ULK4: variants seen among roughly 807,000 people sequenced by gnomAD.
ULK4 encodes the protein inactive serine/threonine-protein kinase ULK4.
Under a neutral mutation model 160.6 loss-of-function variants are expected in ULK4, and 133 were observed. The ratio of observed to expected loss-of-function variants is 0.83; its 90% CI spans 0.72 to 0.96. ULK4 has a LOEUF of 0.96. ULK4 is among the 40% of genes least tolerant of loss of function. The pLI is 0.00. For missense variants in ULK4, 1,580 were observed against 1,499.5 expected, an observed-to-expected ratio of 1.05 and a Z score of -0.89; for synonymous variants, 534 against 539.8, an observed-to-expected ratio of 0.99 and a Z score of 0.15.
intron 32 of ULK4, among the ~76,000 whole-genome samples, chr3:41,564,474 T>C (rs111632779): frequency 1.1e-5 from 1 of 89,062 alleles, no homozygotes. Flanking sequence ...TTTTTTTTTT[T>C]TGAGACAGTG....
intron 30 of ULK4, among the ~76,000 whole-genome samples, chr3:41,618,654 C>T (rs2033095475): frequency 6.6e-6 from 1 of 152,150 alleles, no homozygotes; most frequent in Non-Finnish European, 1.5e-5. Context: ...AAACTGGTAC[C>T]ATCCACTGCA....
intron 17 of ULK4, among the ~76,000 whole-genome samples, chr3:41,873,994 A>G (rs187437981): frequency 3.7e-4 from 57 of 152,098 alleles, no homozygotes; most frequent in African/African-American, 1.3e-3. Flanking sequence ...TATTTACAAA[A>G]TCATAATAAA....
intron 32 of ULK4, among the ~76,000 whole-genome samples, chr3:41,543,810 C>G (rs11129918): frequency 0.51 from 77,667 of 151,810 alleles, 19,977 homozygotes; most frequent in Middle Eastern, 0.58. Flanking sequence ...CATCATTGAC[C>G]CCCTTTAGTG....
intron 32 of ULK4, among the ~76,000 whole-genome samples, chr3:41,545,611 T>C (rs948647083): frequency 6.6e-6 from 1 of 152,196 alleles, no homozygotes; most frequent in African/African-American, 2.4e-5. Flanking sequence ...TGAATTTTGC[T>C]TGCTTTTTAA....
intron 16 of ULK4, among the ~76,000 whole-genome samples, chr3:41,885,042 G>A (rs1297727117): frequency 6.6e-6 from 1 of 152,056 alleles, no homozygotes; most frequent in Non-Finnish European, 1.5e-5. Context: ...ACTTTTTGTA[G>A]AGATGGGGTC....
intron 34 of ULK4, among the ~76,000 whole-genome samples, chr3:41,413,826 A>G (rs536231599): frequency 1.1e-3 from 167 of 152,200 alleles, no homozygotes; most frequent in African/African-American, 3.7e-3. Flanking sequence ...CATGCTTCCC[A>G]CTTTATTTGG....
chr3:41,427,095 T>A (rs560407710), intron 34 of ULK4, among the ~76,000 whole-genome samples: 1 of 152,146 alleles, frequency 6.6e-6, no homozygotes, highest in South Asian at 2.1e-4. Context: ...CCACTGACCC[T>A]AAAGAAACAT....
intron 35 of ULK4, among the ~76,000 whole-genome samples, chr3:41,382,490 C>A (rs887385106): frequency 2.6e-5 from 4 of 152,100 alleles, no homozygotes; most frequent in African/African-American, 9.7e-5. Context: ...AACCTGTTGT[C>A]ATTATTTACC....
chr3:41,351,505 T>G (rs1211259077), intron 35 of ULK4, among the ~76,000 whole-genome samples: 4 of 152,204 alleles, frequency 2.6e-5, no homozygotes, highest in Non-Finnish European at 5.9e-5. Context: ...ATACTGAAAA[T>G]TAGAACCTCC....
At chr3:41,827,209 A>G (rs2041392269) in intron 18 of ULK4, among the ~76,000 whole-genome samples, 3 of 146,414 alleles carry the variant, frequency 2.0e-5, no homozygotes, top group Non-Finnish European at 3.0e-5. Flanking sequence ...AGAAAGCAGG[A>G]AAGATCTAAA....
intron 8 of ULK4, 95 bp downstream of exon 8, chr3:41,915,882 A>G: frequency 1.2e-6 from 1 of 826,442 alleles, no homozygotes; most frequent in Non-Finnish European, 1.9e-6. Context: ...AAAGGGGGAA[A>G]AGATTTCATT....
intron 32 of ULK4, among the ~76,000 whole-genome samples, chr3:41,525,217 C>T (rs1426957401): frequency 6.6e-6 from 1 of 152,160 alleles, no homozygotes; most frequent in Non-Finnish European, 1.5e-5. Context: ...CATAGCACCT[C>T]AGTAAGGCTA....
rs566827509 is a variant in ULK4, at chr3:41,662,362, G to A, written c.3071+1245C>T. Among the ~76,000 whole-genome samples the A allele has an allele frequency of 2.0e-5, 3 of 152,294 alleles. No individual in the cohort carries two copies. The East Asian group carries it at 5.8e-4, about 29-fold the overall frequency. The stretch of plus-strand genomic sequence containing the variant: ...CATGGCATCCTTTGGAAATGGATGA[G>A]GGAAGGTAATAGGCTCGAGAACTAC... On this transcript the variant is annotated intron_variant, in intron 30 of 36. Transcript: ENST00000301831.
chr3:41,388,135 C>G lies in ULK4; in HGVS notation c.3678+9944G>C, dbSNP rs1292278479. Among the ~76,000 whole-genome samples the G allele has an allele frequency of 2.0e-5, 3 of 152,098 alleles. No individual in the cohort carries two copies. In the South Asian group the frequency reaches 6.2e-4, roughly 32 times the overall value. On this transcript the variant is annotated intron_variant, in intron 35 of 36. Transcript: ENST00000301831. ...TTCTCTGATGGCCAGTGATGATGAGCGTTTTTTCATGTGTGTTTTGGCTGC... is the reference window on the plus strand; with the variant it reads ...TTCTCTGATGGCCAGTGATGATGAGGGTTTTTTCATGTGTGTTTTGGCTGC...
At chr3:41,718,933 CAGTT>C (rs1262042298) in intron 22 of ULK4, among the ~76,000 whole-genome samples, 2 of 152,182 alleles carry the variant, frequency 1.3e-5, no homozygotes, top group Admixed American at 6.5e-5. Context: ...GATTCTGTAT[CAGTT>C]AGCATCTTCT....
At chr3:41,785,312 A>T (rs890595548) in intron 21 of ULK4, among the ~76,000 whole-genome samples, 2 of 152,220 alleles carry the variant, frequency 1.3e-5, no homozygotes, top group Non-Finnish European at 2.9e-5. Flanking sequence ...GAAAACAGCA[A>T]GAAAAATCAA....
At chr3:41,941,621 G>A (rs1201329215) in intron 2 of ULK4, among the ~76,000 whole-genome samples, 1 of 151,396 alleles carries the variant, frequency 6.6e-6, no homozygotes, top group East Asian at 2.0e-4. Context: ...GCCAGGCATG[G>A]TGGCACATGC....
intron 17 of ULK4, among the ~76,000 whole-genome samples, chr3:41,849,648 G>C (rs942647229): frequency 1.3e-5 from 2 of 152,110 alleles, no homozygotes; most frequent in African/African-American, 4.8e-5. Flanking sequence ...TACAGACTTT[G>C]GGTGACAATA....
At chr3:41,267,555 T>C (rs964223324) in intron 35 of ULK4, among the ~76,000 whole-genome samples, 2 of 152,142 alleles carry the variant, frequency 1.3e-5, no homozygotes, top group Non-Finnish European at 2.9e-5. Context: ...GGTCAAATGG[T>C]GTTTCTGATT....
Sources: gnomAD v4.1 joint callset for allele counts (sites outside exome capture counted in the v4.1 genomes callset) on GRCh38, gnomAD v4.1.1 for gene constraint, MANE v1.5 for transcripts, NCBI Gene and HGNC (gene_info 2026-07-23, HGNC 2026-07-21) for gene names.